The following JPT2 variants were observed in gnomAD, a reference collection of about 807,000 sequenced individuals.
The protein encoded by JPT2 is Jupiter microtubule associated homolog 2.
A neutral mutation model predicts 15.9 loss-of-function variants in JPT2; 9 were observed. The observed-to-expected ratio is 0.57, with a 90% CI of 0.34 to 0.99. The LOEUF (loss-of-function observed/expected upper bound fraction) is 0.99, where lower values mean the gene tolerates loss of function less well. Ranked by LOEUF, JPT2 falls within the 50% of genes least tolerant of loss-of-function variation. JPT2 has a pLI of 0.02. For synonymous variants in JPT2, 95 were observed against 91.7 expected (o/e 1.04, Z -0.21); for missense variants, 267 against 252.1 (o/e 1.06, Z -0.40).
chr16:1,698,792 C>T lies in JPT2; in HGVS notation c.386-19C>T. 6.2e-7 allele frequency: 1 copy of T among 1,601,800 alleles called. No homozygotes were observed. The highest frequency in any genetic ancestry group is 8.5e-7 in the Non-Finnish European group (1 of 1,174,874). On this transcript the variant is annotated intron_variant, in intron 4 of 4. Coordinates refer to ENST00000248098, the MANE Select transcript of JPT2 (RefSeq NM_144570.3). This position sits in a 1 kb window ranked among gnomAD's most constrained non-coding sequence, Gnocchi z 4.9. ...GGGTTGCCTCTAATGGGATGTTGTT[C>T]TAACTTTGTGTCCCACAGCTGCAAG...
Position 1,699,763 on chromosome 16 carries a change from T to C in JPT2, c.*765T>C. The C allele has an allele frequency of 4.3e-6, 1 of 235,128 alleles. No homozygotes were observed. Among genetic ancestry groups the C allele is most frequent in the African/African-American group, 2.2e-5 (1 of 44,630 alleles). 14.6% of individuals were successfully genotyped at this position (235,128 alleles called of 1,614,324 possible). A position where few individuals can be genotyped will look rare whatever the true frequency, so the allele number is the denominator to read the frequency against. The stretch of plus-strand genomic sequence containing the variant: ...CTTGCTTTTTTCCTCTCATCAGCCT[T>C]AAGTTTAGGCGTTTGTTGTTCTCCA... On this transcript the variant is annotated 3_prime_UTR_variant, in exon 5 of 5. Coordinates refer to ENST00000248098, the MANE Select transcript of JPT2 (RefSeq NM_144570.3).
At chr16:1,695,579 A>T (rs1014268674) in intron 3 of JPT2, among the ~76,000 whole-genome samples, 1 of 151,864 alleles carries the variant, frequency 6.6e-6, no homozygotes, top group African/African-American at 2.4e-5. Context: ...TCTCAAAAAA[A>T]TTATAAAAAG....
At chr16:1,684,739 G>T (rs900202482) in intron 1 of JPT2, among the ~76,000 whole-genome samples, 2 of 151,172 alleles carry the variant, frequency 1.3e-5, no homozygotes, top group Non-Finnish European at 3.0e-5. Context: ...GTAAAACTCC[G>T]TCTCAAAAAA....
At chr16:1,694,324 G>C (rs1012628478) in intron 3 of JPT2, among the ~76,000 whole-genome samples, 5 of 152,190 alleles carry the variant, frequency 3.3e-5, no homozygotes, top group African/African-American at 1.2e-4. Context: ...GCTCAAATCA[G>C]ACCAAGCCAC....
chr16:1,685,306 T>A, intron 1 of JPT2, 133 bp from the exon 2 acceptor site: 1 of 945,592 alleles, frequency 1.1e-6, no homozygotes, highest in Non-Finnish European at 1.6e-6. Flanking sequence ...CCAGCCTGGG[T>A]GACAGAATGA....
chr16:1,683,245 G>A (rs2037038482), intron 1 of JPT2, among the ~76,000 whole-genome samples: 1 of 152,058 alleles, frequency 6.6e-6, no homozygotes, highest in African/African-American at 2.4e-5. Flanking sequence ...CAAGGTGCTG[G>A]GATTACAGGC....
chr16:1,680,350 C>T (rs1468877382), intron 1 of JPT2: 10 of 1,002,268 alleles, frequency 1.0e-5, no homozygotes, highest in South Asian at 3.8e-5. Flanking sequence ...TTGACTTTCA[C>T]GCTCCAGAAG....
intron 3 of JPT2, among the ~76,000 whole-genome samples, chr16:1,692,723 C>G (rs2037112720): frequency 6.6e-6 from 1 of 152,270 alleles, no homozygotes; most frequent in East Asian, 1.9e-4. Flanking sequence ...GTAAGAAAGA[C>G]CAGGATTTAT....
Position 1,699,069 on chromosome 16 carries a change from T to C in JPT2, c.*71T>C. The C allele has an allele frequency of 6.6e-7, 1 of 1,506,324 alleles. No individual in the cohort carries two copies. The highest frequency in any genetic ancestry group is 9.2e-7 in the Non-Finnish European group (1 of 1,090,640). The allele number at this position is 1,506,324 out of a possible 1,614,324, so 93.3% of individuals were successfully genotyped here. On this transcript the variant is annotated 3_prime_UTR_variant, in exon 5 of 5. Transcript: ENST00000248098. ...TAGGGTAGCCATGTTTTCATTTCCT[T>C]TTGCCCAAATGAGCGGGGTGGGAAG...
At chr16:1,680,423 A>T in intron 1 of JPT2, 2 of 1,188,746 alleles carry the variant, frequency 1.7e-6, no homozygotes, top group Non-Finnish European at 2.1e-6. Flanking sequence ...GTTTCTGGAC[A>T]AGGTGTTGAG....
rs775763454 is a variant in JPT2, at chr16:1,699,162, C to T, written c.*164C>T. The T allele has an allele frequency of 1.3e-4, 99 of 763,190 alleles. 2 individuals are homozygous for T. Among genetic ancestry groups the T allele is most frequent in the South Asian group, 1.3e-3 (89 of 68,674 alleles). 47.3% of individuals were successfully genotyped at this position (763,190 alleles called of 1,614,324 possible). A position where few individuals can be genotyped will look rare whatever the true frequency, so the allele number is the denominator to read the frequency against. ...CCGTCATGACAGCTGCTTGGAGACC[C>T]GTGCCTTCCAGATGGCTGGGAGATG... On this transcript the variant is annotated 3_prime_UTR_variant, in exon 5 of 5. Coordinates refer to ENST00000248098, the MANE Select transcript of JPT2 (RefSeq NM_144570.3).
At chr16:1,681,162 T>C (rs2037019668) in intron 1 of JPT2, among the ~76,000 whole-genome samples, 1 of 152,222 alleles carries the variant, frequency 6.6e-6, no homozygotes, top group Non-Finnish European at 1.5e-5. Context: ...TAAGTGCCTG[T>C]AGCCTAGAGA....
At chr16:1,692,457 C>T (rs746051701) in intron 3 of JPT2, 25 of 172,628 alleles carry the variant, frequency 1.4e-4, no homozygotes, top group Non-Finnish European at 2.3e-4. Context: ...GCGTAGCTGA[C>T]GCCTCTGACC....
At position 1,697,842 on chromosome 16, in the gene JPT2, C is replaced by T; in HGVS notation, c.367C>T (p.Pro123Ser). Reference protein sequence around the residue: ...DHVFLCEGEEPKSDLKAARSI... With the variant: ...DHVFLCEGEESKSDLKAARSI... ...TGTTTTCTTATGTGAAGGAGAAGAA[C>T]CAAAATCGGATCTTAAAGGTGAGCT... The change falls in exon 4 of 5, where the codon CCA becomes TCA. Residue 123 changes from proline to serine, a missense_variant. Physicochemically the swap from Pro to Ser is moderately conservative, Grantham distance 74. Transcript: ENST00000248098. 6.2e-7 allele frequency: 1 copy of T among 1,613,872 alleles called. No homozygotes were observed. Among genetic ancestry groups the T allele is most frequent in the Non-Finnish European group, 8.5e-7 (1 of 1,179,882 alleles).
chr16:1,689,726 G>A (rs2037091742), intron 2 of JPT2: 1 of 152,258 alleles, frequency 6.6e-6, no homozygotes, highest in Admixed American at 6.5e-5. Context: ...ACAGGTGTGA[G>A]CCAGTGCACT....
At chr16:1,694,096 A>T (rs75901947) in intron 3 of JPT2, among the ~76,000 whole-genome samples, 2,881 of 152,312 alleles carry the variant, frequency 0.019, 115 homozygotes, top group African/African-American at 0.066. Context: ...CTGTTGAAAG[A>T]AAGTTCCCTT....
intron 3 of JPT2, 132 bp from the exon 4 acceptor site, chr16:1,697,680 G>T: frequency 1.4e-6 from 1 of 731,600 alleles, no homozygotes; most frequent in Admixed American, 2.3e-5. Context: ...AGAGGATTGG[G>T]GGGGTCCTGA....
At chr16:1,682,660 G>A (rs2037032628) in intron 1 of JPT2, among the ~76,000 whole-genome samples, 2 of 150,798 alleles carry the variant, frequency 1.3e-5, no homozygotes, top group Non-Finnish European at 3.0e-5. Context: ...CAACAAGAGC[G>A]AGATTTCGTC....
chr16:1,678,436 C>G, intron 1 of JPT2, 80 bp downstream of exon 1: 1 of 1,156,650 alleles, frequency 8.6e-7, no homozygotes. Context: ...CGTCCACCAG[C>G]CGTGTGGGGT....
Sources: allele counts gnomAD v4.1 joint callset (sites outside exome capture counted in the v4.1 genomes callset), GRCh38; gene constraint gnomAD v4.1.1; non-coding constraint Gnocchi (gnomAD v3.1); transcripts MANE v1.5; gene names NCBI Gene and HGNC (gene_info 2026-07-23, HGNC 2026-07-21).